The following ANKS1B variants were observed in gnomAD, a reference collection of about 807,000 sequenced individuals.
ANKS1B encodes ankyrin repeat and sterile alpha motif domain-containing protein 1B.
ANKS1B carries 36 observed loss-of-function variants against 148.3 expected under a neutral mutation model. The ratio of observed to expected loss-of-function variants is 0.24; its 90% CI spans 0.19 to 0.32. ANKS1B has a LOEUF of 0.32. ANKS1B is among the 10% of genes least tolerant of loss of function. The probability of loss-of-function intolerance (pLI) is 1.00; values close to 1 mark genes in which losing one functional copy is unlikely to be tolerated. For synonymous variants in ANKS1B, 542 were observed against 560.8 expected, an observed-to-expected ratio of 0.97 and a Z score of 0.47; for missense variants, 1,157 against 1,542.6, an observed-to-expected ratio of 0.75 and a Z score of 4.19.
rs371955581 is a variant in ANKS1B at position 99,394,344 on chromosome 12, A to G, written c.1756+5287T>C. On this transcript the variant is annotated intron_variant, in intron 12 of 26. Transcript: ENST00000683438. ...CCAAAACCAGTCTCTCCACTTGGTT[A>G]ATAATAGAATTCATCATCCCCTCTT... 9.9e-5 allele frequency among the ~76,000 whole-genome samples: 15 copies of G among 152,274 alleles called. No homozygotes were observed. The East Asian group carries it at 2.1e-3, about 22-fold the overall frequency.
At chr12:99,602,995 A>G (rs1715742593) in intron 9 of ANKS1B, among the ~76,000 whole-genome samples, 1 of 152,070 alleles carries the variant, frequency 6.6e-6, no homozygotes, top group South Asian at 2.1e-4. Flanking sequence ...AAATAAGTTT[A>G]GTCTCCTTAA....
At chr12:99,377,197 G>A (rs1236234049) in intron 12 of ANKS1B, among the ~76,000 whole-genome samples, 3 of 151,894 alleles carry the variant, frequency 2.0e-5, no homozygotes, top group Admixed American at 6.6e-5. Flanking sequence ...TAGGAGAGAC[G>A]GGGTTTCACC....
intron 8 of ANKS1B, among the ~76,000 whole-genome samples, chr12:99,766,682 G>C (rs990433090): frequency 6.6e-6 from 1 of 152,122 alleles, no homozygotes; most frequent in Admixed American, 6.5e-5. Context: ...ATAAGAAATA[G>C]ATTGTTCAGG....
At chr12:99,310,833 T>C (rs2083041883) in intron 12 of ANKS1B, among the ~76,000 whole-genome samples, 1 of 152,176 alleles carries the variant, frequency 6.6e-6, no homozygotes, top group Middle Eastern at 3.2e-3. Context: ...TCCTGACTAA[T>C]ACAAATATAA....
Position 99,483,670 on chromosome 12 carries a change from A to T in ANKS1B, c.1438+20806T>A, listed in dbSNP as rs148956289. On this transcript the variant is annotated intron_variant, in intron 10 of 26. Coordinates refer to ENST00000683438, the MANE Select transcript of ANKS1B (RefSeq NM_001352186.2). ...TGGCAATTTTAAAATTATGGATTCA[A>T]TCCACTGCTTGTTTTTGGTGTCTTT... 8.4e-3 allele frequency among the ~76,000 whole-genome samples: 1,283 copies of T among 151,994 alleles called. 6 individuals carry two copies. The highest frequency in any genetic ancestry group is 0.027 in the Middle Eastern group (8 of 294).
intron 22 of ANKS1B, among the ~76,000 whole-genome samples, chr12:98,783,338 C>G (rs532158438): frequency 6.6e-6 from 1 of 152,262 alleles, no homozygotes; most frequent in South Asian, 2.1e-4. Context: ...TGAGCTGTGT[C>G]TGAGCTCAGT....
intron 9 of ANKS1B, among the ~76,000 whole-genome samples, chr12:99,579,000 T>C (rs766684392): frequency 6.6e-5 from 10 of 151,858 alleles, no homozygotes; most frequent in Non-Finnish European, 1.2e-4. Flanking sequence ...CAAAAACATA[T>C]ACACAGACCA....
chr12:99,123,102 A>G (rs2063375456), intron 15 of ANKS1B, among the ~76,000 whole-genome samples: 1 of 151,666 alleles, frequency 6.6e-6, no homozygotes, highest in Non-Finnish European at 1.5e-5. Context: ...TGCCAGTTTT[A>G]GTGATGTCTA....
chr12:98,956,085 A>G (rs1269347658), intron 17 of ANKS1B, among the ~76,000 whole-genome samples: 3 of 152,160 alleles, frequency 2.0e-5, no homozygotes, highest in Non-Finnish European at 2.9e-5. Context: ...GAGCCACACC[A>G]TGTCTAAAAT....
intron 8 of ANKS1B, among the ~76,000 whole-genome samples, chr12:99,666,042 A>G (rs1410026795): frequency 6.6e-6 from 1 of 152,232 alleles, no homozygotes; most frequent in African/African-American, 2.4e-5. Context: ...ATATATAAGT[A>G]GAAGTAGTCA....
intron 8 of ANKS1B, 132 bp from the exon 9 acceptor site, chr12:99,655,342 T>C (rs1264389257): frequency 5.3e-6 from 4 of 758,050 alleles, no homozygotes; most frequent in African/African-American, 5.3e-5. Flanking sequence ...CACAGTTACA[T>C]GGCTGTGCCC....
intron 1 of ANKS1B, among the ~76,000 whole-genome samples, chr12:99,927,330 C>T (rs2094499803): frequency 6.6e-6 from 1 of 152,110 alleles, no homozygotes; most frequent in African/African-American, 2.4e-5. Context: ...ACAGTAAATT[C>T]CTACTGCATG....
At chr12:98,795,654 TA>T (rs771381076) in intron 22 of ANKS1B, 52 of 451,588 alleles carry the variant, frequency 1.2e-4, no homozygotes, top group Non-Finnish European at 1.3e-4. Flanking sequence ...GCACATAAAA[TA>T]AGCCATTTAA....
At chr12:99,485,155 G>A (rs1297015171) in intron 10 of ANKS1B, among the ~76,000 whole-genome samples, 1 of 151,576 alleles carries the variant, frequency 6.6e-6, no homozygotes, top group Non-Finnish European at 1.5e-5. Context: ...ATACATATTG[G>A]GCTTTTCTTC....
chr12:99,007,091 T>C (rs935339557), intron 17 of ANKS1B, among the ~76,000 whole-genome samples: 6 of 152,252 alleles, frequency 3.9e-5, no homozygotes, highest in African/African-American at 1.4e-4. Context: ...CTCTTGCTTT[T>C]GCTCTGCTGT....
At chr12:99,699,528 C>T (rs1484626530) in intron 8 of ANKS1B, among the ~76,000 whole-genome samples, 2 of 152,048 alleles carry the variant, frequency 1.3e-5, no homozygotes. Flanking sequence ...AGTGGTTGCA[C>T]AATAAATATT....
At chr12:99,056,882 A>G (rs1027434458) in intron 16 of ANKS1B, among the ~76,000 whole-genome samples, 1 of 152,176 alleles carries the variant, frequency 6.6e-6, no homozygotes, top group African/African-American at 2.4e-5. Context: ...CATCTCACAT[A>G]AATGTCCTAT....
chr12:99,593,802 T>C lies in ANKS1B; in HGVS notation c.1272+61265A>G, dbSNP rs528322917. ...AGCATTTAAATTCCATGAGAACTTA[T>C]TATAAGGAAACTGCCTACCCTGACA... On this transcript the variant is annotated intron_variant, in intron 9 of 26. Transcript: ENST00000683438. Among the ~76,000 whole-genome samples, 33 of 152,216 alleles carry C rather than the reference T, an allele frequency of 2.2e-4. No homozygotes were observed. The South Asian group carries it at 6.6e-3, about 31-fold the overall frequency.
chr12:98,948,947 C>CATTTTTTTT (rs2099849742), intron 17 of ANKS1B, among the ~76,000 whole-genome samples: 1 of 84,866 alleles, frequency 1.2e-5, no homozygotes, highest in Non-Finnish European at 2.0e-5. Context: ...GCATGAGCTA[C>CATTTTTTTT]TTTTTTTTTT....
Sources: allele counts gnomAD v4.1 joint callset (sites outside exome capture counted in the v4.1 genomes callset), GRCh38; gene constraint gnomAD v4.1.1; transcripts MANE v1.5; gene names NCBI Gene and HGNC (gene_info 2026-07-23, HGNC 2026-07-21).